LARGE1: variants seen among roughly 807,000 people sequenced by gnomAD.
LARGE1 encodes the protein xylosyl- and glucuronyltransferase LARGE1.
A neutral mutation model predicts 87.6 loss-of-function variants in LARGE1; 43 were observed. The observed-to-expected ratio is 0.49, with a 90% CI of 0.38 to 0.63. LARGE1 has a LOEUF of 0.63. Among genes scored for constraint, LARGE1 ranks in the 30% least tolerant of loss-of-function variants. The pLI, the probability that LARGE1 is intolerant of heterozygous loss-of-function variation, is 0.00. For synonymous variants in LARGE1, 434 were observed against 394.6 expected, an observed-to-expected ratio of 1.10 and a Z score of -1.18; for missense variants, 802 against 1,000.2, an observed-to-expected ratio of 0.80 and a Z score of 2.67.
At chr22:33,797,349 C>G (rs999573523) in intron 1 of LARGE1, among the ~76,000 whole-genome samples, 9 of 152,220 alleles carry the variant, frequency 5.9e-5, no homozygotes, top group Non-Finnish European at 8.8e-5. Context: ...TCTCCTCTTT[C>G]TTCTTCCCAA....
At chr22:33,869,487 G>T (rs2146662313) in intron 1 of LARGE1, among the ~76,000 whole-genome samples, 1 of 152,306 alleles carries the variant, frequency 6.6e-6, no homozygotes, top group African/African-American at 2.4e-5. Flanking sequence ...ATGCGCCTCT[G>T]GCTTCCCACC....
At chr22:33,199,680 T>C (rs1438377795) in intron 11 of LARGE1, among the ~76,000 whole-genome samples, 1 of 152,172 alleles carries the variant, frequency 6.6e-6, no homozygotes, top group East Asian at 1.9e-4. Flanking sequence ...GTATATGGCT[T>C]TACTTCTTGG....
At chr22:33,224,445 C>G (rs1333679981) in intron 11 of LARGE1, among the ~76,000 whole-genome samples, 1 of 152,100 alleles carries the variant, frequency 6.6e-6, no homozygotes, top group Non-Finnish European at 1.5e-5. Flanking sequence ...CTATTATCTC[C>G]TTTAAATTGA....
intron 6 of LARGE1, among the ~76,000 whole-genome samples, chr22:33,483,832 T>C (rs1002522665): frequency 1.7e-4 from 26 of 152,184 alleles, no homozygotes; most frequent in Middle Eastern, 3.4e-3. Context: ...AGGAGTGGCA[T>C]GCTAGGGTGG....
At chr22:33,415,790 GA>G (rs958157206) in intron 7 of LARGE1, among the ~76,000 whole-genome samples, 1 of 152,182 alleles carries the variant, frequency 6.6e-6, no homozygotes, top group African/African-American at 2.4e-5. Context: ...TCAGGGTCAA[GA>G]CATAAATGGA....
At chr22:33,326,136 T>C (rs1937221464) in intron 10 of LARGE1, among the ~76,000 whole-genome samples, 1 of 152,186 alleles carries the variant, frequency 6.6e-6, no homozygotes, top group African/African-American at 2.4e-5. Flanking sequence ...CCATTTTCAT[T>C]CTTTTGCAGG....
chr22:33,202,344 A>G lies in LARGE1; in HGVS notation c.1731-35512T>C, dbSNP rs540314968. 2.8e-4 allele frequency among the ~76,000 whole-genome samples: 42 copies of G among 152,256 alleles called. 2 individuals are homozygous for G. In the South Asian group the frequency reaches 8.7e-3, roughly 32 times the overall value. On this transcript the variant is annotated intron_variant, in intron 11 of 11. Coordinates refer to the LARGE1 transcript ENST00000608642. ...AAGAGTGGCAGGTCTCCTTGACCTC[A>G]GTGCTTCCCGGGGTGGACAGACTAC... is the stretch of plus-strand genomic sequence containing the variant.
chr22:33,651,367 G>A (rs1177674629), intron 2 of LARGE1, among the ~76,000 whole-genome samples: 2 of 143,120 alleles, frequency 1.4e-5, no homozygotes, highest in African/African-American at 5.3e-5. Context: ...ACTCCAGCCT[G>A]GGCCAGAGTG....
chr22:33,184,468 A>C (rs1274481254), intron 11 of LARGE1, among the ~76,000 whole-genome samples: 1 of 151,782 alleles, frequency 6.6e-6, no homozygotes, highest in Non-Finnish European at 1.5e-5. Flanking sequence ...TTATATCTAT[A>C]AATTTTTGTA....
intron 6 of LARGE1, among the ~76,000 whole-genome samples, chr22:33,561,469 C>G (rs79954836): frequency 6.6e-6 from 1 of 152,300 alleles, no homozygotes; most frequent in Admixed American, 6.5e-5. Context: ...CCAGAAGTAT[C>G]TCGTGAGAAG....
intron 1 of LARGE1, among the ~76,000 whole-genome samples, chr22:33,900,720 G>T (rs1001239083): frequency 3.3e-5 from 5 of 152,196 alleles, no homozygotes; most frequent in Admixed American, 2.6e-4. Context: ...TCATTAGGTG[G>T]AACTTAATCC....
At chr22:33,264,255 G>C (rs188079780) in intron 11 of LARGE1, among the ~76,000 whole-genome samples, 1 of 152,238 alleles carries the variant, frequency 6.6e-6, no homozygotes, top group East Asian at 1.9e-4. Context: ...ATTTAACCGT[G>C]AAGGTAAAGG....
the LARGE1 span, among the ~76,000 whole-genome samples, chr22:33,090,415 T>C: frequency 6.6e-6 from 1 of 152,086 alleles, no homozygotes; most frequent in Non-Finnish European, 1.5e-5. Context: ...TTAAACAGAA[T>C]TCTCCAGGAG....
chr22:33,384,911 C>T (rs9607039), intron 7 of LARGE1, among the ~76,000 whole-genome samples: 5,485 of 148,664 alleles, frequency 0.037, 629 homozygotes, highest in Non-Finnish European at 0.052. Context: ...GGAATTTGTA[C>T]GATGTATACC....
At chr22:33,213,957 C>T (rs1316683960) in intron 11 of LARGE1, among the ~76,000 whole-genome samples, 1 of 152,090 alleles carries the variant, frequency 6.6e-6, no homozygotes, top group Non-Finnish European at 1.5e-5. Context: ...GCCTCCTGAG[C>T]AACTGGGACT....
intron 6 of LARGE1, among the ~76,000 whole-genome samples, chr22:33,436,824 G>A (rs887186514): frequency 1.7e-4 from 26 of 152,174 alleles, no homozygotes; most frequent in Non-Finnish European, 3.4e-4. Flanking sequence ...TGAGGCTGTG[G>A]TTGTCTAGTA....
chr22:33,828,197 C>T (rs143853738), intron 1 of LARGE1, among the ~76,000 whole-genome samples: 59 of 152,300 alleles, frequency 3.9e-4, no homozygotes, highest in Middle Eastern at 3.4e-3. Context: ...GGGTAATTCA[C>T]ATACCAAGGG....
intron 11 of LARGE1, among the ~76,000 whole-genome samples, chr22:33,170,808 T>C (rs1316876860): frequency 6.6e-6 from 1 of 152,196 alleles, no homozygotes; most frequent in East Asian, 1.9e-4. Context: ...GTGGTACTGC[T>C]ATAAAGTGGG....
chr22:33,856,219 C>T (rs1292726917), intron 1 of LARGE1, among the ~76,000 whole-genome samples: 1 of 152,168 alleles, frequency 6.6e-6, no homozygotes, highest in Non-Finnish European at 1.5e-5. Context: ...TGGCCATACC[C>T]GGACCAGTTC....
Sources: allele counts gnomAD v4.1 joint callset (sites outside exome capture counted in the v4.1 genomes callset), GRCh38; gene constraint gnomAD v4.1.1; transcripts MANE v1.5; gene names NCBI Gene and HGNC (gene_info 2026-07-23, HGNC 2026-07-21).